SLIT3: variants seen among roughly 807,000 people sequenced by gnomAD.
The protein encoded by SLIT3 is slit guidance ligand 3.
SLIT3 carries 68 observed loss-of-function variants against 184.0 expected under a neutral mutation model. That is an observed-to-expected ratio of 0.37 (90% CI 0.30 to 0.45). The LOEUF (loss-of-function observed/expected upper bound fraction) is 0.45. Among genes scored for constraint, SLIT3 ranks in the 20% least tolerant of loss-of-function variants. The pLI, the probability that SLIT3 is intolerant of heterozygous loss-of-function variation, is 1.00. For synonymous variants in SLIT3, 831 were observed against 828.6 expected, an observed-to-expected ratio of 1.00 and a Z score of -0.05; for missense variants, 1,707 against 2,026.0, an observed-to-expected ratio of 0.84 and a Z score of 3.02.
chr5:168,773,482 G>A (rs181871377), intron 13 of SLIT3, among the ~76,000 whole-genome samples: 2 of 152,230 alleles, frequency 1.3e-5, no homozygotes, highest in African/African-American at 2.4e-5. Flanking sequence ...TGTTTGGCAC[G>A]TGGTCGGCGT....
At chr5:168,753,743 A>C in intron 17 of SLIT3, 121 bp downstream of exon 17, 1 of 1,158,180 alleles carries the variant, frequency 8.6e-7, no homozygotes, top group Non-Finnish European at 1.2e-6. Flanking sequence ...CTCCAGGAAG[A>C]GAGGGATTCA....
In SLIT3 at chr5:169,083,653, G is replaced by A. The variant is rs891449470; in HGVS notation, c.413+109826C>T. ...TATATGCACTCAATCTGGGCTCAGCGGGGAAGACCAAACACGGTCAGGGCT... is the reference window on the plus strand; with the variant it reads ...TATATGCACTCAATCTGGGCTCAGCAGGGAAGACCAAACACGGTCAGGGCT... On this transcript the variant is annotated intron_variant, in intron 4 of 35. Coordinates refer to ENST00000519560, the MANE Select transcript of SLIT3 (RefSeq NM_003062.4). Among the ~76,000 whole-genome samples the A allele has an allele frequency of 3.3e-5, 5 of 152,278 alleles. No homozygotes were observed. In the South Asian group the frequency reaches 8.3e-4, roughly 25 times the overall value.
intron 4 of SLIT3, among the ~76,000 whole-genome samples, chr5:168,906,936 C>A (rs145057402): frequency 0.011 from 1,649 of 152,004 alleles, 33 homozygotes; most frequent in African/African-American, 0.037. Context: ...TCTCGGGTCA[C>A]TGCAACCTCC....
chr5:168,969,990 G>T (rs1754509656), intron 4 of SLIT3, among the ~76,000 whole-genome samples: 1 of 152,092 alleles, frequency 6.6e-6, no homozygotes, highest in Non-Finnish European at 1.5e-5. Flanking sequence ...GACCATCTTG[G>T]CTAACACGGT....
intron 8 of SLIT3, among the ~76,000 whole-genome samples, chr5:168,815,008 C>T (rs1042478870): frequency 9.9e-5 from 15 of 152,258 alleles, no homozygotes; most frequent in African/African-American, 2.6e-4. Flanking sequence ...TCAATATGTC[C>T]CTGCCCTTAA....
At chr5:169,073,581 G>A (rs1758629239) in intron 4 of SLIT3, among the ~76,000 whole-genome samples, 1 of 152,046 alleles carries the variant, frequency 6.6e-6, no homozygotes, top group African/African-American at 2.4e-5. Context: ...AATGTTGGAG[G>A]TGGGGCCTAG....
At chr5:168,946,272 C>A (rs1219227900) in intron 4 of SLIT3, among the ~76,000 whole-genome samples, 1 of 152,148 alleles carries the variant, frequency 6.6e-6, no homozygotes, top group Non-Finnish European at 1.5e-5. Flanking sequence ...ACTCAGTTGA[C>A]CCCAGTCCTC....
intron 1 of SLIT3, among the ~76,000 whole-genome samples, chr5:169,284,323 C>A (rs2113650713): frequency 6.6e-6 from 1 of 152,314 alleles, no homozygotes; most frequent in African/African-American, 2.4e-5. Context: ...ACCCTGAGCT[C>A]CTTTCCAAAG....
At chr5:169,178,202 G>C (rs975528522) in intron 4 of SLIT3, among the ~76,000 whole-genome samples, 5 of 152,220 alleles carry the variant, frequency 3.3e-5, no homozygotes, top group Non-Finnish European at 5.9e-5. Context: ...TTTACTTCTT[G>C]TAAGCTAAGA....
intron 20 of SLIT3, among the ~76,000 whole-genome samples, chr5:168,736,617 T>C (rs1205174210): frequency 1.3e-5 from 2 of 149,104 alleles, no homozygotes; most frequent in African/African-American, 5.2e-5. Flanking sequence ...CAGGTACCTA[T>C]AGCCTCATGG....
At position 169,090,546 on chromosome 5, in the gene SLIT3, C is replaced by T. The variant is rs142071805; in HGVS notation, c.413+102933G>A. 1.6e-3 allele frequency among the ~76,000 whole-genome samples: 241 copies of T among 152,322 alleles called. 1 individual carries two copies. The highest frequency in any genetic ancestry group is 0.014 in the Middle Eastern group (4 of 294). On this transcript the variant is annotated intron_variant, in intron 4 of 35. Coordinates refer to ENST00000519560, the MANE Select transcript of SLIT3 (RefSeq NM_003062.4). ...CACCTCAGGCTGGAATAGGGGCCTTCGTAGGCTGAATGATGGCCTCCCAAA... is the reference window on the plus strand; with the variant it reads ...CACCTCAGGCTGGAATAGGGGCCTTTGTAGGCTGAATGATGGCCTCCCAAA...
intron 4 of SLIT3, among the ~76,000 whole-genome samples, chr5:168,975,239 C>T (rs1754708267): frequency 6.6e-6 from 1 of 152,166 alleles, no homozygotes; most frequent in Non-Finnish European, 1.5e-5. Context: ...CCTCACCTGC[C>T]CAGGAAGCCC....
chr5:168,860,340 G>C (rs1231580599), intron 5 of SLIT3, among the ~76,000 whole-genome samples: 1 of 152,112 alleles, frequency 6.6e-6, no homozygotes, highest in Non-Finnish European at 1.5e-5. Flanking sequence ...TGATTAAATT[G>C]TATCTTTAAG....
chr5:169,046,547 G>C (rs17734593), intron 4 of SLIT3, among the ~76,000 whole-genome samples: 18,237 of 152,140 alleles, frequency 0.12, 1,397 homozygotes, highest in East Asian at 0.42. Context: ...GATCAGAACT[G>C]AGAGGTAAAC....
intron 4 of SLIT3, among the ~76,000 whole-genome samples, chr5:169,069,740 G>C (rs1275733336): frequency 1.3e-5 from 2 of 152,102 alleles, no homozygotes; most frequent in Admixed American, 6.5e-5. Context: ...AGAGAGGGGA[G>C]GTAGGGAGGT....
At chr5:169,127,390 G>T (rs1200342604) in intron 4 of SLIT3, among the ~76,000 whole-genome samples, 2 of 152,178 alleles carry the variant, frequency 1.3e-5, no homozygotes, top group Admixed American at 6.5e-5. Context: ...CACACAAAAT[G>T]GTTTGCCCAG....
In SLIT3 at chr5:168,665,697, C is replaced by T. The variant is rs1274023589; in HGVS notation, c.*757G>A. The T allele has an allele frequency of 2.0e-5, 3 of 149,522 alleles. No homozygotes were observed. The highest frequency in any genetic ancestry group is 7.7e-5 in the African/African-American group (3 of 39,112). 9.3% of individuals were successfully genotyped at this position (149,522 alleles called of 1,614,324 possible). ...GCCAGCCAGGAAGGAGAAGAGGGGT[C>T]CCCCAGTGGGTTCAGATACGGAAGC... On this transcript the variant is annotated 3_prime_UTR_variant, in exon 36 of 36. Coordinates refer to ENST00000519560, the MANE Select transcript of SLIT3 (RefSeq NM_003062.4).
Position 168,855,917 on chromosome 5 carries a change from G to A in SLIT3, c.486-11262C>T, listed in dbSNP as rs537710722. On this transcript the variant is annotated intron_variant, in intron 5 of 35. Coordinates refer to ENST00000519560, the MANE Select transcript of SLIT3 (RefSeq NM_003062.4). ...AGGTCAGGAATTCAAGACCAGCCTG[G>A]CCAATATGGTGAAACCCCATCTCTA... 3.3e-5 allele frequency among the ~76,000 whole-genome samples: 5 copies of A among 152,258 alleles called. No individual in the cohort carries two copies. In the South Asian group the frequency reaches 1.0e-3, roughly 32 times the overall value.
Position 169,220,068 on chromosome 5 carries a change from C to T in SLIT3, c.341+24637G>A, listed in dbSNP as rs566031723. Among the ~76,000 whole-genome samples, 4 of 152,216 alleles carry T rather than the reference C, an allele frequency of 2.6e-5. No homozygotes were observed. The East Asian group carries it at 7.7e-4, about 29-fold the overall frequency. On this transcript the variant is annotated intron_variant, in intron 3 of 35. Coordinates refer to ENST00000519560, the MANE Select transcript of SLIT3 (RefSeq NM_003062.4). Reference sequence around the variant, plus strand: ...GATCCTGTCCCAGCCCCCAGTTCTCCAGCAGTGTCTCCTGGCTCCCCTCTT... The same window carrying T: ...GATCCTGTCCCAGCCCCCAGTTCTCTAGCAGTGTCTCCTGGCTCCCCTCTT...
Sources: gnomAD v4.1 joint callset for allele counts (sites outside exome capture counted in the v4.1 genomes callset) on GRCh38, gnomAD v4.1.1 for gene constraint, MANE v1.5 for transcripts, NCBI Gene and HGNC (gene_info 2026-07-23, HGNC 2026-07-21) for gene names.